The following GET1 variants were observed in gnomAD, a reference collection of about 807,000 sequenced individuals.
GET1 encodes guided entry of tail-anchored proteins factor 1.
A neutral mutation model predicts 22.6 loss-of-function variants in GET1; 20 were observed. That is an observed-to-expected ratio of 0.89 (90% CI 0.62 to 1.29). The LOEUF (loss-of-function observed/expected upper bound fraction) is 1.29. Among genes scored for constraint, GET1 ranks in the 50% most tolerant of loss-of-function variants. GET1 has a pLI of 0.00. For synonymous variants in GET1, 92 were observed against 83.8 expected (o/e 1.10, Z -0.53); for missense variants, 209 against 219.9 (o/e 0.95, Z 0.31).
chr21:39,403,988 C>T (rs1601657102), intron 4 of GET1, among the ~76,000 whole-genome samples: 1 of 151,336 alleles, frequency 6.6e-6, no homozygotes, highest in Non-Finnish European at 1.5e-5. Context: ...TGCAGTGGCA[C>T]GATCCTGGCT....
In GET1 at chr21:39,393,375, C is replaced by T. The variant is rs2038432559; in HGVS notation, c.451+95C>T. ...TAAGTTAGCCTGACATCCTCCTCAC[C>T]GTCCATTTAGTGAGCGGGGTTTTGT... On this transcript the variant is annotated intron_variant, in intron 4 of 4. Coordinates refer to ENST00000649170, the MANE Select transcript of GET1 (RefSeq NM_004627.6). The T allele has an allele frequency of 5.9e-5, 59 of 996,394 alleles. 1 individual carries two copies. In the South Asian group the frequency reaches 7.3e-4, roughly 12 times the overall value. The allele number at this position is 996,394 out of a possible 1,614,324, so 61.7% of individuals were successfully genotyped here. A position where few individuals can be genotyped will look rare whatever the true frequency, so the allele number is the denominator to read the frequency against.
chr21:39,406,348 C>A, exon 5 of GET1: 1 of 1,614,118 alleles, frequency 6.2e-7, no homozygotes, highest in Non-Finnish European at 8.5e-7. Flanking sequence ...TCTGAGGGGG[C>A]CTTTCGTGTA....
chr21:39,380,466 C>CTCCCG lies in GET1; in HGVS notation c.86_90dup (p.Phe31ArgfsTer21). The CTCCCG allele has an allele frequency of 6.2e-7, 1 of 1,612,912 alleles. No individual in the cohort carries two copies. The highest frequency in any genetic ancestry group is 8.5e-7 in the Non-Finnish European group (1 of 1,179,502). On this transcript the variant is annotated frameshift_variant, in exon 1 of 5. Coordinates refer to ENST00000649170, the MANE Select transcript of GET1 (RefSeq NM_004627.6). LOFTEE classifies it high-confidence loss of function. ...TGGATGCAATGTTCTTAGGATCCTC[C>CTCCCG]TCCCGTCCTTCTCATCCTTCGTAAG...
chr21:39,392,344 G>A (rs1202555088), intron 3 of GET1, among the ~76,000 whole-genome samples: 1 of 152,154 alleles, frequency 6.6e-6, no homozygotes, highest in Non-Finnish European at 1.5e-5. Context: ...TGCCCCGAGA[G>A]TGCAGTTGTG....
At chr21:39,418,634 G>A (rs1051958943) in intron 1 of GET1, among the ~76,000 whole-genome samples, 53 of 151,974 alleles carry the variant, frequency 3.5e-4, no homozygotes, top group African/African-American at 1.2e-3. Context: ...CCAAGTAATG[G>A]GATTACAGGC....
At chr21:39,401,852 G>A (rs1018442580), downstream of GET1, among the ~76,000 whole-genome samples, 18 of 152,018 alleles carry the variant, frequency 1.2e-4, no homozygotes, top group African/African-American at 4.4e-4. Context: ...TACTGTAATT[G>A]TTTTGGGGCA....
chr21:39,390,744 G>T lies in GET1; in HGVS notation c.149G>T (p.Arg50Ile), dbSNP rs145445316. ...GACGCGGAGCAGGAGTCACAGATGA[G>T]AGCGGAGATCCAGGACATGAAGCAG... ...QKDAEQESQM[R>I]AEIQDMKQEL... The change falls in exon 2 of 5, where the codon AGA (arginine) becomes ATA (isoleucine). Residue 50 changes from arginine to isoleucine, a missense_variant. Physicochemically the swap from Arg to Ile is moderately conservative, Grantham distance 97 (BLOSUM62 -3). Coordinates refer to ENST00000649170, the MANE Select transcript of GET1 (RefSeq NM_004627.6). 55 of 1,614,062 alleles carry T rather than the reference G, an allele frequency of 3.4e-5. No individual in the cohort carries two copies. Among genetic ancestry groups the T allele is most frequent in the Non-Finnish European group, 4.6e-5 (54 of 1,180,040 alleles).
chr21:39,405,442 C>T (rs772419912), intron 4 of GET1, among the ~76,000 whole-genome samples: 2 of 152,212 alleles, frequency 1.3e-5, no homozygotes. Context: ...GATCCTCCCA[C>T]CTTGGCCTCC....
At chr21:39,410,156 A>G, downstream of GET1, 1 of 1,305,082 alleles carries the variant, frequency 7.7e-7, no homozygotes, top group Non-Finnish European at 1.1e-6. Context: ...TTAAAATTGC[A>G]TTTTATTCTA....
intron 1 of GET1, chr21:39,380,753 C>T (rs1200221617): frequency 6.8e-6 from 8 of 1,182,276 alleles, no homozygotes; most frequent in Non-Finnish European, 8.4e-6. Context: ...GCGAACCTCA[C>T]ACTGGGAGTT....
chr21:39,423,367 T>C, intron 1 of GET1: 1 of 1,612,610 alleles, frequency 6.2e-7, no homozygotes, highest in African/African-American at 1.3e-5. Context: ...TTTAATTTTA[T>C]GAAGCCTTGC....
At chr21:39,395,966 G>T (rs2038614375) in intron 4 of GET1, among the ~76,000 whole-genome samples, 1 of 152,218 alleles carries the variant, frequency 6.6e-6, no homozygotes, top group African/African-American at 2.4e-5. Flanking sequence ...AATCTTACAG[G>T]TTTGGTTTTG....
rs143349356 is a variant in GET1 at position 39,387,872 on chromosome 21, A to AG, written c.103-2817dup. Reference sequence around the variant, plus strand: ...AGGAGACCTGTAAGCTGGAAGGGGGAGGGGGGGGGATCTGATTTATTGTGT... The same window carrying AG: ...AGGAGACCTGTAAGCTGGAAGGGGGAGGGGGGGGGGATCTGATTTATTGTGT... On this transcript the variant is annotated intron_variant, in intron 1 of 4. Coordinates refer to ENST00000649170, the MANE Select transcript of GET1 (RefSeq NM_004627.6). 4,299 of 829,676 alleles carry AG rather than the reference A, an allele frequency of 5.2e-3. 120 individuals are homozygous for AG. The African/African-American group carries it at 0.066, about 13-fold the overall frequency. 51.4% of individuals were successfully genotyped at this position (829,676 alleles called of 1,614,324 possible). A position where few individuals can be genotyped will look rare whatever the true frequency, so the allele number is the denominator to read the frequency against.
chr21:39,396,478 A>G (rs1227667340), intron 4 of GET1, among the ~76,000 whole-genome samples: 2 of 151,628 alleles, frequency 1.3e-5, no homozygotes, highest in South Asian at 2.1e-4. Flanking sequence ...CAGTGAGCCA[A>G]GATCGCGCCA....
rs547257507 is a variant in GET1, at chr21:39,423,627, G to T, written c.*24-4605G>T. 15 of 635,384 alleles carry T rather than the reference G, an allele frequency of 2.4e-5. No individual in the cohort carries two copies. In the East Asian group the frequency reaches 4.4e-4, roughly 19 times the overall value. 39.4% of individuals were successfully genotyped at this position (635,384 alleles called of 1,614,324 possible). ...ACACAAGCGTAAGTGTAACTAGAAG[G>T]GGACAAAACTATCATTTAATGAATA... On this transcript the variant is annotated intron_variant, in intron 1 of 1. Coordinates refer to the GET1 transcript ENST00000478273.
chr21:39,396,662 G>A (rs2038670701), intron 4 of GET1, among the ~76,000 whole-genome samples: 2 of 150,046 alleles, frequency 1.3e-5, no homozygotes, highest in Non-Finnish European at 1.5e-5. Context: ...CTCCAGCCTG[G>A]GGGACAGAGC....
intron 4 of GET1, among the ~76,000 whole-genome samples, chr21:39,394,619 T>C (rs953847341): frequency 1.3e-5 from 2 of 152,170 alleles, no homozygotes; most frequent in Non-Finnish European, 2.9e-5. Context: ...TGTCTGATGA[T>C]GGCCCATTTT....
Position 39,404,721 on chromosome 21 carries a change from C to T in GET1, c.350-1193C>T, listed in dbSNP as rs188770826. Among the ~76,000 whole-genome samples, 455 of 138,404 alleles carry T rather than the reference C, an allele frequency of 3.3e-3. 3 individuals carry two copies. Among genetic ancestry groups the T allele is most frequent in the African/African-American group, 0.012 (448 of 36,506 alleles). The allele number at this position is 138,404 out of a possible 152,430, so 90.8% of individuals were successfully genotyped here. On this transcript the variant is annotated intron_variant, in intron 4 of 4. Coordinates refer to the GET1 transcript ENST00000415847. ...GAGCCAAGATTGTTATCACTGCACTCCAGCCTGGGTGACACACTGAGACAC... is the reference window on the plus strand; with the variant it reads ...GAGCCAAGATTGTTATCACTGCACTTCAGCCTGGGTGACACACTGAGACAC...
At chr21:39,419,831 G>T (rs1822727628) in intron 1 of GET1, among the ~76,000 whole-genome samples, 1 of 152,120 alleles carries the variant, frequency 6.6e-6, no homozygotes, top group African/African-American at 2.4e-5. Flanking sequence ...TATCTAAATT[G>T]TTGGACATTT....
Sources: allele counts gnomAD v4.1 joint callset (sites outside exome capture counted in the v4.1 genomes callset), GRCh38; gene constraint gnomAD v4.1.1; transcripts MANE v1.5; gene names NCBI Gene and HGNC (gene_info 2026-07-23, HGNC 2026-07-21).